The following GLRA3 variants were observed in gnomAD, a reference collection of about 807,000 sequenced individuals.
The protein encoded by GLRA3 is glycine receptor subunit alpha-3.
A neutral mutation model predicts 60.4 loss-of-function variants in GLRA3; 44 were observed. The observed-to-expected ratio is 0.73, with a 90% CI of 0.57 to 0.94. The LOEUF (loss-of-function observed/expected upper bound fraction) is 0.94, where lower values mean the gene tolerates loss of function less well. Ranked by LOEUF, GLRA3 falls within the 40% of genes least tolerant of loss-of-function variation. The probability of loss-of-function intolerance (pLI) is 0.00; values close to 1 mark genes in which losing one functional copy is unlikely to be tolerated. For missense variants in GLRA3, 508 were observed against 564.6 expected, an observed-to-expected ratio of 0.90 and a Z score of 1.02; for synonymous variants, 223 against 192.9, an observed-to-expected ratio of 1.16 and a Z score of -1.29.
chr4:174,770,030 T>C (rs573878886), intron 2 of GLRA3, among the ~76,000 whole-genome samples: 2 of 152,230 alleles, frequency 1.3e-5, no homozygotes, highest in African/African-American at 4.8e-5. Flanking sequence ...ACTATTTCAT[T>C]AGTTAGAATG....
chr4:174,733,519 T>TC (rs1458112763), intron 3 of GLRA3, among the ~76,000 whole-genome samples: 5 of 151,874 alleles, frequency 3.3e-5, no homozygotes, highest in Non-Finnish European at 5.9e-5. Context: ...CTCAGAACCT[T>TC]CCCCCCTCTA....
intron 4 of GLRA3, among the ~76,000 whole-genome samples, chr4:174,724,158 C>T (rs1191291758): frequency 6.6e-6 from 1 of 151,662 alleles, no homozygotes; most frequent in Admixed American, 6.6e-5. Context: ...TCAGGTCTAT[C>T]TCATGCAAGT....
chr4:174,777,634 C>T (rs781194154), intron 2 of GLRA3, among the ~76,000 whole-genome samples: 1 of 152,116 alleles, frequency 6.6e-6, no homozygotes, highest in African/African-American at 2.4e-5. Context: ...ATGACAAACA[C>T]ACGTTGTTAT....
chr4:174,717,467 G>T (rs1735971920), intron 4 of GLRA3, among the ~76,000 whole-genome samples: 6 of 152,112 alleles, frequency 3.9e-5, no homozygotes, highest in Admixed American at 3.9e-4. Context: ...CATTCGTCAA[G>T]CTGACATTTT....
chr4:174,763,949 T>G (rs1278433480), intron 3 of GLRA3, among the ~76,000 whole-genome samples: 1 of 152,084 alleles, frequency 6.6e-6, no homozygotes, highest in Non-Finnish European at 1.5e-5. Flanking sequence ...ATGAGGGTAA[T>G]AAGGAAGTTA....
chr4:174,767,656 C>T (rs1431487875), intron 2 of GLRA3, among the ~76,000 whole-genome samples: 1 of 152,020 alleles, frequency 6.6e-6, no homozygotes, highest in Non-Finnish European at 1.5e-5. Context: ...AGCCTTGAGC[C>T]AATAAATCTT....
chr4:174,690,685 G>C (rs1341320165), intron 5 of GLRA3, among the ~76,000 whole-genome samples: 2 of 152,110 alleles, frequency 1.3e-5, no homozygotes, highest in African/African-American at 4.8e-5. Flanking sequence ...GTAGATGCCA[G>C]TGTCTGTTGT....
intron 1 of GLRA3, among the ~76,000 whole-genome samples, chr4:174,812,457 A>G (rs1369297958): frequency 1.3e-5 from 2 of 152,290 alleles, no homozygotes; most frequent in Non-Finnish European, 2.9e-5. Flanking sequence ...TATCTTAAGT[A>G]TATTCAAGAC....
chr4:174,643,793 T>G lies in GLRA3; in HGVS notation c.1388A>C (p.Gln463Pro), dbSNP rs1260056462. The change falls in exon 10 of 10, where the codon CAA becomes CCA. Residue 463 changes from glutamine (Q) to proline (P), a missense_variant. Physicochemically the swap from Gln to Pro is moderately conservative, Grantham distance 76. Transcript: ENST00000274093. Reference sequence around the variant, plus strand: ...TTGCATGCCCCCAGAGACTTAATCTTGCTGCTGATGAATATCCTCATGCCT... The same window carrying G: ...TTGCATGCCCCCAGAGACTTAATCTGGCTGCTGATGAATATCCTCATGCCT... ...ILRHEDIHQQ[Q>P]D 4.3e-6 allele frequency: 7 copies of G among 1,611,502 alleles called. No homozygotes were observed. In the Admixed American group the frequency reaches 1.0e-4, roughly 23 times the overall value.
chr4:174,645,414 C>A, intron 9 of GLRA3, among the ~76,000 whole-genome samples: 1 of 125,172 alleles, frequency 8.0e-6, no homozygotes. Flanking sequence ...AGTGAGACTC[C>A]GTCTCCAAAA....
chr4:174,714,569 T>C (rs1735836277), intron 5 of GLRA3, among the ~76,000 whole-genome samples: 1 of 152,156 alleles, frequency 6.6e-6, no homozygotes, highest in Non-Finnish European at 1.5e-5. Flanking sequence ...ATAGTCACGT[T>C]GCCCCACAAA....
intron 4 of GLRA3, chr4:174,722,539 AT>A (rs1736169210): frequency 6.6e-6 from 1 of 152,228 alleles, no homozygotes; most frequent in African/African-American, 2.4e-5. Flanking sequence ...AAGTGCATTC[AT>A]TTTTAAGTTT....
intron 1 of GLRA3, among the ~76,000 whole-genome samples, chr4:174,805,880 G>A (rs992286977): frequency 3.9e-5 from 6 of 152,114 alleles, no homozygotes; most frequent in Admixed American, 6.6e-5. Flanking sequence ...CAAAGGCAGT[G>A]ATTCTTCAAC....
At chr4:174,769,399 T>C (rs1465033969) in intron 2 of GLRA3, among the ~76,000 whole-genome samples, 1 of 152,120 alleles carries the variant, frequency 6.6e-6, no homozygotes, top group Non-Finnish European at 1.5e-5. Context: ...TTATGCTTAC[T>C]TTTTCCTTTC....
intron 3 of GLRA3, among the ~76,000 whole-genome samples, chr4:174,743,872 T>A (rs962619238): frequency 6.6e-6 from 1 of 152,070 alleles, no homozygotes; most frequent in African/African-American, 2.4e-5. Context: ...AAGTGACAGC[T>A]CTGTGCCTGG....
rs1425147244 is a variant in GLRA3, at chr4:174,643,850, T to C, written c.1331A>G (p.Asn444Ser). The part of the protein sequence containing the change: ...ACFPLAFLIF[N>S]IFYWVIYKIL... ...TTTATAGATAACCCAGTAGAAAATA[T>C]TAAAAATCAAAAAAGCTAATGGGAA... is the stretch of plus-strand genomic sequence containing the variant. The change falls in exon 10 of 10, where the codon AAT becomes AGT. Residue 444 changes from asparagine (N) to serine (S), a missense_variant. Asn to Ser is a conservative substitution (Grantham distance 46). Around this residue, in one of 3 missense-constraint regions of GLRA3, gnomAD observed 176 missense variants for 197.9 expected, o/e 0.89. Coordinates refer to ENST00000274093, the MANE Select transcript of GLRA3 (RefSeq NM_006529.4). 3 of 1,613,992 alleles carry C rather than the reference T, an allele frequency of 1.9e-6. No individual in the cohort carries two copies. Among genetic ancestry groups the C allele is most frequent in the Non-Finnish European group, 2.5e-6 (3 of 1,179,900 alleles).
At chr4:174,720,424 C>T (rs1022561249) in intron 4 of GLRA3, among the ~76,000 whole-genome samples, 2 of 152,112 alleles carry the variant, frequency 1.3e-5, no homozygotes, top group African/African-American at 4.8e-5. Context: ...TATTTTAATA[C>T]ATTATTTCAG....
chr4:174,782,128 T>C (rs1339735791), intron 2 of GLRA3, among the ~76,000 whole-genome samples: 1 of 147,172 alleles, frequency 6.8e-6, no homozygotes, highest in Non-Finnish European at 1.5e-5. Context: ...CATGATCAAG[T>C]GGGCTTCATC....
At chr4:174,797,030 T>C in intron 1 of GLRA3, among the ~76,000 whole-genome samples, 1 of 152,202 alleles carries the variant, frequency 6.6e-6, no homozygotes, top group Non-Finnish European at 1.5e-5. Flanking sequence ...ATACATAGTA[T>C]GAGGCTCCAT....
Sources: gnomAD v4.1 joint callset for allele counts (sites outside exome capture counted in the v4.1 genomes callset) on GRCh38, gnomAD v4.1.1 for gene constraint, gnomAD v4.1.1 regional missense constraint, MANE v1.5 for transcripts, NCBI Gene and HGNC (gene_info 2026-07-23, HGNC 2026-07-21) for gene names.